The following LYPD8 variants were observed in gnomAD, a reference collection of about 807,000 sequenced individuals.
LYPD8 encodes ly6/PLAUR domain-containing protein 8.
Under a neutral mutation model 1.7 loss-of-function variants are expected in LYPD8, and 8 were observed. The ratio of observed to expected loss-of-function variants is 4.58; its 90% CI spans 2.69 to 8.27. The LOEUF is 8.27. Ranked by LOEUF, LYPD8 falls within the 30% of genes most tolerant of loss-of-function variation. The pLI, the probability that LYPD8 is intolerant of heterozygous loss-of-function variation, is 0.00. For synonymous variants in LYPD8, 50 were observed against 43.6 expected (o/e 1.15, Z -0.58); for missense variants, 112 against 102.3 (o/e 1.09, Z -0.41).
chr1:248,739,468 G>T lies in LYPD8; in HGVS notation c.*143C>A. 1.8e-6 allele frequency: 2 copies of T among 1,099,392 alleles called. No homozygotes were observed. Among genetic ancestry groups the T allele is most frequent in the Non-Finnish European group, 2.6e-6 (2 of 778,040 alleles). 68.1% of individuals were successfully genotyped at this position (1,099,392 alleles called of 1,614,324 possible). ...ATAATGAAGAACAAGGCAGCTGTCG[G>T]CATTGCCTGGAGACCTGTGACTCCC... is the stretch of plus-strand genomic sequence containing the variant. On this transcript the variant is annotated 3_prime_UTR_variant, in exon 7 of 7. Transcript: ENST00000590317. The surrounding 1 kb of genome is among the most constrained non-coding windows in gnomAD (Gnocchi z 4.3).
In LYPD8 at chr1:248,748,518, C is replaced by T. The variant is rs1052649196; in HGVS notation, c.173-65G>A. ...GAGGAGGTGTGGGGAGGGTGGAGAC[C>T]CAGAATAGCAACTGTTTCAGGCAAA... On this transcript the variant is annotated intron_variant, in intron 4 of 6. Coordinates refer to ENST00000590317, the MANE Select transcript of LYPD8 (RefSeq NM_001085474.2). 1.2e-3 allele frequency: 479 copies of T among 398,988 alleles called. 3 individuals carry two copies. The highest frequency in any genetic ancestry group is 9.0e-3 in the African/African-American group (438 of 48,708). The allele number at this position is 398,988 out of a possible 1,614,324, so 24.7% of individuals were successfully genotyped here.
chr1:248,753,207 AACAC>A (rs1208519832), intron 2 of LYPD8, among the ~76,000 whole-genome samples: 5 of 93,750 alleles, frequency 5.3e-5, no homozygotes, highest in African/African-American at 1.8e-4. Flanking sequence ...CACCCCACAC[AACAC>A]ACACACCACA....
At position 248,745,377 on chromosome 1, in the gene LYPD8, AC is replaced by A. The variant is rs1430440024; in HGVS notation, c.338-99del. On this transcript the variant is annotated intron_variant, in intron 5 of 6. Transcript: ENST00000590317. ...AAGAAAGCACCAAAGAGATCGGAGAACGGAGCAATGACATCCTTGGGAATCT... is the reference window on the plus strand; with the variant it reads ...AAGAAAGCACCAAAGAGATCGGAGAAGGAGCAATGACATCCTTGGGAATCT... 7 of 395,704 alleles carry A rather than the reference AC, an allele frequency of 1.8e-5. No homozygotes were observed. The Admixed American group carries it at 3.1e-4, about 17-fold the overall frequency. 24.5% of individuals were successfully genotyped at this position (395,704 alleles called of 1,614,324 possible). A position where few individuals can be genotyped will look rare whatever the true frequency, so the allele number is the denominator to read the frequency against.
intron 3 of LYPD8, among the ~76,000 whole-genome samples, 182 bp downstream of exon 3, chr1:248,750,848 G>C (rs913316810): frequency 1.1e-4 from 16 of 152,162 alleles, no homozygotes; most frequent in African/African-American, 3.9e-4. Context: ...CCAGTAGAAA[G>C]ATCCAACCTT....
At chr1:248,746,601 C>G (rs1413825037) in intron 5 of LYPD8, among the ~76,000 whole-genome samples, 8,458 of 136,140 alleles carry the variant, frequency 0.062, 71 homozygotes, top group East Asian at 0.17. Context: ...ACGGCCAGCA[C>G]CCACCCAGGG....
chr1:248,746,257 T>C (rs1347035463), intron 5 of LYPD8, among the ~76,000 whole-genome samples: 1 of 152,208 alleles, frequency 6.6e-6, no homozygotes, highest in African/African-American at 2.4e-5. Flanking sequence ...CAATAATTTT[T>C]AAGACATAGA....
chr1:248,746,013 G>A (rs1036020209), intron 5 of LYPD8, among the ~76,000 whole-genome samples: 22 of 152,204 alleles, frequency 1.4e-4, no homozygotes, highest in African/African-American at 5.3e-4. Flanking sequence ...TGAGAATCCA[G>A]CTGTCTTTTA....
At chr1:248,752,097 C>T (rs1662809868) in intron 2 of LYPD8, among the ~76,000 whole-genome samples, 1 of 152,102 alleles carries the variant, frequency 6.6e-6, no homozygotes, top group African/African-American at 2.4e-5. Flanking sequence ...CTGTGAGGCA[C>T]ACATAGTTAT....
At chr1:248,744,106 G>A (rs868930808) in intron 6 of LYPD8, among the ~76,000 whole-genome samples, 1 of 152,196 alleles carries the variant, frequency 6.6e-6, no homozygotes, top group Non-Finnish European at 1.5e-5. Context: ...TCTTAACAGA[G>A]GGCCTGAGAT....
At chr1:248,745,976 G>A (rs1230420110) in intron 5 of LYPD8, among the ~76,000 whole-genome samples, 1 of 152,214 alleles carries the variant, frequency 6.6e-6, no homozygotes, top group African/African-American at 2.4e-5. Flanking sequence ...GTGTGAGACT[G>A]TAACAGACTA....
intron 2 of LYPD8, among the ~76,000 whole-genome samples, chr1:248,752,986 AACAC>A (rs1219603546): frequency 2.9e-5 from 2 of 68,332 alleles, no homozygotes; most frequent in African/African-American, 5.0e-5. Context: ...CACACAACAC[AACAC>A]ACACACAAAC....
intron 4 of LYPD8, among the ~76,000 whole-genome samples, chr1:248,749,794 T>C (rs1662765048): frequency 6.6e-6 from 1 of 152,008 alleles, no homozygotes; most frequent in South Asian, 2.1e-4. Flanking sequence ...ACAATTATGA[T>C]CAGAGATAAA....
At chr1:248,749,185 A>G (rs1662757397) in intron 4 of LYPD8, among the ~76,000 whole-genome samples, 2 of 152,182 alleles carry the variant, frequency 1.3e-5, no homozygotes, top group African/African-American at 4.8e-5. Context: ...CTAACAAACC[A>G]ATAGGATTGA....
At chr1:248,746,105 T>C (rs1023854730) in intron 5 of LYPD8, among the ~76,000 whole-genome samples, 2 of 152,200 alleles carry the variant, frequency 1.3e-5, no homozygotes, top group Non-Finnish European at 2.9e-5. Context: ...TTGGAGAATA[T>C]AGTTATATTA....
Position 248,751,074 on chromosome 1 carries a change from C to T in LYPD8, c.8G>A (p.Gly3Asp), listed in dbSNP as rs1662794144. The change falls in exon 3 of 7, where the codon GGC (glycine) becomes GAC (aspartate). Residue 3 changes from glycine (G) to aspartate (D), a missense_variant. Transcript: ENST00000590317. Reference protein sequence around the residue: MKGILVAGITAVL... With the variant: MKDILVAGITAVL... ...TGCAGTGATACCAGCAACGAGGATG[C>T]CCTTCATGGTGCTGGAGCTGACTTC... 2.5e-6 allele frequency: 1 copy of T among 398,618 alleles called. No individual in the cohort carries two copies. The highest frequency in any genetic ancestry group is 4.4e-6 in the Non-Finnish European group (1 of 226,054). 24.7% of individuals were successfully genotyped at this position (398,618 alleles called of 1,614,324 possible).
At chr1:248,745,071 G>A (rs1173400787) in intron 6 of LYPD8, 71 bp downstream of exon 6, 5 of 397,222 alleles carry the variant, frequency 1.3e-5, no homozygotes, top group Non-Finnish European at 2.2e-5. Flanking sequence ...TGTTAACCCA[G>A]AATTTATGAA....
chr1:248,742,612 T>C (rs557121445), intron 6 of LYPD8, among the ~76,000 whole-genome samples: 5 of 69,428 alleles, frequency 7.2e-5, no homozygotes, highest in African/African-American at 1.9e-4. Context: ...GGGGAGATTA[T>C]GCTCTGGTGG....
chr1:248,753,473 C>T (rs1326386501), intron 2 of LYPD8, among the ~76,000 whole-genome samples: 6 of 116,390 alleles, frequency 5.2e-5, no homozygotes, highest in African/African-American at 2.0e-4. Context: ...CACAACACAC[C>T]ACATCACACA....
chr1:248,742,706 G>A (rs1404394347), intron 6 of LYPD8, among the ~76,000 whole-genome samples: 1 of 68,498 alleles, frequency 1.5e-5, no homozygotes, highest in Non-Finnish European at 2.7e-5. Context: ...TGTTGGCAGC[G>A]GGGGAGATTA....
Sources: gnomAD v4.1 joint callset for allele counts (sites outside exome capture counted in the v4.1 genomes callset) on GRCh38, gnomAD v4.1.1 for gene constraint, Gnocchi (gnomAD v3.1) non-coding constraint, MANE v1.5 for transcripts, NCBI Gene and HGNC (gene_info 2026-07-23, HGNC 2026-07-21) for gene names.